The following ABCB1 variants were observed in gnomAD, a reference collection of about 807,000 sequenced individuals.
ABCB1 encodes the protein ATP-dependent translocase ABCB1.
A neutral mutation model predicts 142.0 loss-of-function variants in ABCB1; 69 were observed. That is an observed-to-expected ratio of 0.49 (90% CI 0.40 to 0.59). The LOEUF (loss-of-function observed/expected upper bound fraction) is 0.59. Among genes scored for constraint, ABCB1 ranks in the 20% least tolerant of loss-of-function variants. The probability of loss-of-function intolerance (pLI) is 0.00; values close to 1 mark genes in which losing one functional copy is unlikely to be tolerated. For synonymous variants in ABCB1, 532 were observed against 539.2 expected, an observed-to-expected ratio of 0.99 and a Z score of 0.18; for missense variants, 1,326 against 1,554.7, an observed-to-expected ratio of 0.85 and a Z score of 2.47.
At chr7:87,572,888 A>C (rs1278585490) in intron 4 of ABCB1, among the ~76,000 whole-genome samples, 1 of 110,954 alleles carries the variant, frequency 9.0e-6, no homozygotes, top group East Asian at 3.2e-4. Flanking sequence ...CACACTGGAG[A>C]CTTTTGGAGT....
chr7:87,593,464 T>C (rs139736666), intron 3 of ABCB1, among the ~76,000 whole-genome samples: 65 of 152,314 alleles, frequency 4.3e-4, no homozygotes, highest in African/African-American at 1.5e-3. Flanking sequence ...TAACAGACAT[T>C]GTGTGCAGAC....
intron 4 of ABCB1, among the ~76,000 whole-genome samples, chr7:87,573,168 T>C (rs1450421144): frequency 1.3e-5 from 2 of 152,180 alleles, no homozygotes; most frequent in Non-Finnish European, 1.5e-5. Flanking sequence ...AGGCATGTCT[T>C]ACATGACGAC....
chr7:87,695,593 T>A (rs1392414860), intron 1 of ABCB1, among the ~76,000 whole-genome samples: 1 of 152,078 alleles, frequency 6.6e-6, no homozygotes, highest in Non-Finnish European at 1.5e-5. Context: ...GTCAAGTAGG[T>A]GATATATTTT....
chr7:87,686,144 C>A (rs1479037314), intron 1 of ABCB1, among the ~76,000 whole-genome samples: 1 of 152,132 alleles, frequency 6.6e-6, no homozygotes, highest in Non-Finnish European at 1.5e-5. Flanking sequence ...GGCTTCCCTC[C>A]ACCCACAATT....
At position 87,541,383 on chromosome 7, in the gene ABCB1, T is replaced by C. The variant is rs779916152; in HGVS notation, c.2293A>G (p.Ile765Val). 8 of 1,596,536 alleles carry C rather than the reference T, an allele frequency of 5.0e-6. No homozygotes were observed. The African/African-American group carries it at 9.4e-5, about 19-fold the overall frequency. Residue 765 changes from isoleucine to valine, a missense_variant, in exon 18 of 28, where the codon ATT becomes GTT. Physicochemically the swap from Ile to Val is conservative, Grantham distance 29. Transcript: ENST00000622132. ...TGAAGGAAAAATGTAATAAAAGAAA[T>C]AATTCCAAGGGCTAGAAACAATAGT... ...FSLLFLALGI[I>V]SFITFFLQGF...
chr7:87,613,829 C>A (rs1013829404), intron 1 of ABCB1, among the ~76,000 whole-genome samples: 44 of 152,140 alleles, frequency 2.9e-4, no homozygotes, highest in Non-Finnish European at 7.4e-5. Flanking sequence ...TGCACATATA[C>A]CTTCTGTATC....
chr7:87,624,166 T>A (rs1208858475), intron 1 of ABCB1, among the ~76,000 whole-genome samples: 1 of 152,256 alleles, frequency 6.6e-6, no homozygotes, highest in East Asian at 1.9e-4. Flanking sequence ...TATCCATTTG[T>A]GGTTCATAAG....
chr7:87,576,217 C>T (rs1056048485), intron 4 of ABCB1, among the ~76,000 whole-genome samples: 3 of 151,402 alleles, frequency 2.0e-5, no homozygotes, highest in African/African-American at 7.3e-5. Context: ...ACTAATTCTA[C>T]TTTTTGGCTT....
chr7:87,541,447 A>G lies in ABCB1; in HGVS notation c.2229T>C (p.Asp743=). Residue 743 remains aspartate (D), a synonymous_variant, in exon 18 of 28, where the codon GAT becomes GAC. Transcript: ENST00000622132. ...SKIIGVFTRI[D]DPETKRQNSN... is the part of the protein sequence containing the mutation. ...TATTCTGTCGTTTTGTTTCAGGATC[A>G]TCAATTCTTGTAAAAACCTGTGAGA... The G allele has an allele frequency of 6.2e-7, 1 of 1,606,896 alleles. No homozygotes were observed. Among genetic ancestry groups the G allele is most frequent in the Non-Finnish European group, 8.5e-7 (1 of 1,173,414 alleles).
intron 1 of ABCB1, among the ~76,000 whole-genome samples, chr7:87,662,489 G>C (rs190305807): frequency 6.4e-4 from 97 of 152,198 alleles, no homozygotes; most frequent in Non-Finnish European, 1.1e-3. Context: ...AGTTTTCCCA[G>C]CACCATTTAT....
intron 1 of ABCB1, among the ~76,000 whole-genome samples, chr7:87,641,782 A>G (rs1046278715): frequency 6.6e-6 from 1 of 152,180 alleles, no homozygotes; most frequent in African/African-American, 2.4e-5. Flanking sequence ...AAAATGATTT[A>G]TTGTCTGTTA....
At chr7:87,580,533 TA>T (rs1818463219) in intron 4 of ABCB1, among the ~76,000 whole-genome samples, 1 of 152,166 alleles carries the variant, frequency 6.6e-6, no homozygotes, top group Non-Finnish European at 1.5e-5. Context: ...GAGGTAGTCT[TA>T]TTTGAGTTAA....
chr7:87,522,275 C>A, intron 21 of ABCB1: 1 of 860,670 alleles, frequency 1.2e-6, no homozygotes, highest in Non-Finnish European at 2.0e-6. Flanking sequence ...ACATTTTGGA[C>A]CCATGAAGGG....
At chr7:87,594,481 A>T (rs1032929399) in intron 3 of ABCB1, among the ~76,000 whole-genome samples, 1 of 152,146 alleles carries the variant, frequency 6.6e-6, no homozygotes, top group Admixed American at 6.5e-5. Context: ...AAATTTTCTA[A>T]AATATAAGAC....
At chr7:87,535,435 T>C (rs1232254301) in intron 20 of ABCB1, among the ~76,000 whole-genome samples, 1 of 151,784 alleles carries the variant, frequency 6.6e-6, no homozygotes, top group Admixed American at 6.6e-5. Flanking sequence ...TGAGTTCAAG[T>C]AATTCTCGTA....
intron 1 of ABCB1, chr7:87,629,013 G>C: frequency 7.9e-7 from 1 of 1,262,570 alleles, no homozygotes; most frequent in South Asian, 3.8e-5. Context: ...TTCCGCGCGG[G>C]TCCTTGGGGG....
At chr7:87,703,508 C>T (rs932615424) in intron 1 of ABCB1, among the ~76,000 whole-genome samples, 31 of 152,070 alleles carry the variant, frequency 2.0e-4, no homozygotes, top group African/African-American at 7.0e-4. Context: ...TTGTTAAAGC[C>T]ACTGCTCCCT....
chr7:87,532,647 C>T (rs541686063), intron 20 of ABCB1, among the ~76,000 whole-genome samples: 99 of 152,280 alleles, frequency 6.5e-4, no homozygotes, highest in Non-Finnish European at 1.1e-3. Flanking sequence ...TCCTAGGAAA[C>T]TCATGAATAA....
intron 5 of ABCB1, 56 bp from the exon 6 acceptor site, chr7:87,567,032 T>C: frequency 6.5e-7 from 1 of 1,529,762 alleles, no homozygotes; most frequent in Non-Finnish European, 9.1e-7. Context: ...AATGTACCTT[T>C]TCCAAAGAGA....
Sources: gnomAD v4.1 joint callset for allele counts (sites outside exome capture counted in the v4.1 genomes callset) on GRCh38, gnomAD v4.1.1 for gene constraint, MANE v1.5 for transcripts, NCBI Gene and HGNC (gene_info 2026-07-23, HGNC 2026-07-21) for gene names.